The following IVD variants were observed in gnomAD, a reference collection of about 807,000 sequenced individuals.
IVD encodes the protein isovaleryl-CoA dehydrogenase.
A neutral mutation model predicts 51.3 loss-of-function variants in IVD; 31 were observed. The ratio of observed to expected loss-of-function variants is 0.60; its 90% CI spans 0.45 to 0.81. The LOEUF (loss-of-function observed/expected upper bound fraction) is 0.81, where lower values mean the gene tolerates loss of function less well. Among genes scored for constraint, IVD ranks in the 40% least tolerant of loss-of-function variants. The probability of loss-of-function intolerance (pLI) is 0.00; values close to 1 mark genes in which losing one functional copy is unlikely to be tolerated. For synonymous variants in IVD, 205 were observed against 219.4 expected (o/e 0.93, Z 0.58); for missense variants, 475 against 552.0 (o/e 0.86, Z 1.40).
At chr15:40,429,066 C>T (rs1439117805), downstream of IVD, among the ~76,000 whole-genome samples, 1 of 152,158 alleles carries the variant, frequency 6.6e-6, no homozygotes, top group Non-Finnish European at 1.5e-5. Flanking sequence ...AAGTCCCATC[C>T]CTCCGCCCAG....
At chr15:40,425,933 T>C (rs189315444), downstream of IVD, among the ~76,000 whole-genome samples, 97 of 151,512 alleles carry the variant, frequency 6.4e-4, no homozygotes, top group African/African-American at 2.3e-3. Context: ...CTTCAGTCTC[T>C]TCAGTAGCTG....
At chr15:40,433,381 GC>G (rs1445072609) in intron 7 of IVD, among the ~76,000 whole-genome samples, 1 of 152,156 alleles carries the variant, frequency 6.6e-6, no homozygotes, top group African/African-American at 2.4e-5. Flanking sequence ...AGAGACACCT[GC>G]CCCCTCTGGA....
rs1480570708 is a variant in IVD, at chr15:40,405,878, G to A, written c.51G>A (p.Leu17=). The A allele has an allele frequency of 6.2e-7, 1 of 1,612,544 alleles. No individual in the cohort carries two copies. Among genetic ancestry groups the A allele is most frequent in the African/African-American group, 1.3e-5 (1 of 75,048 alleles). ...LLGWRVASWR[L]RPPLAGFVSQ... is the part of the protein sequence containing the mutation. ...GGTGGCGTGTGGCGAGCTGGAGGCTGCGGCCGCCGCTTGCCGGCTTCGTTT... is the reference window on the plus strand; with the variant it reads ...GGTGGCGTGTGGCGAGCTGGAGGCTACGGCCGCCGCTTGCCGGCTTCGTTT... The change falls in exon 1 of 12, where the codon CTG becomes CTA. Residue 17 remains leucine (L), a synonymous_variant. Coordinates refer to ENST00000487418, the MANE Select transcript of IVD (RefSeq NM_002225.5).
At chr15:40,429,124 C>T (rs545551097), downstream of IVD, among the ~76,000 whole-genome samples, 2 of 152,294 alleles carry the variant, frequency 1.3e-5, no homozygotes, top group East Asian at 3.9e-4. Context: ...CCCTGCTGCC[C>T]CATGGAAACT....
At position 40,415,558 on chromosome 15, in the gene IVD, G is replaced by C. The variant is rs117793361; in HGVS notation, c.960+76G>C. The C allele has an allele frequency of 3.8e-3, 4,752 of 1,265,692 alleles. 20 individuals carry two copies. The highest frequency in any genetic ancestry group is 4.9e-3 in the Non-Finnish European group (4,368 of 884,642). The allele number at this position is 1,265,692 out of a possible 1,614,324, so 78.4% of individuals were successfully genotyped here. A position where few individuals can be genotyped will look rare whatever the true frequency, so the allele number is the denominator to read the frequency against. ...TCTTTGAAAAGAGAGGAAGTGAGGT[G>C]GGCACCGTGGATGGTTACTGTCTCC... On this transcript the variant is annotated intron_variant, in intron 9 of 11. Transcript: ENST00000487418.
chr15:40,409,835 CTTTT>C (rs11365500), intron 3 of IVD, among the ~76,000 whole-genome samples: 2 of 131,710 alleles, frequency 1.5e-5, no homozygotes, highest in Non-Finnish European at 1.6e-5. Context: ...CTGCTTCTTT[CTTTT>C]TTTTTTTTTT....
rs181699798 is a variant in IVD at position 40,421,146 on chromosome 15, T to C, written c.*2883T>C. 1 of 985,422 alleles carries C rather than the reference T, an allele frequency of 1.0e-6. No individual in the cohort carries two copies. The highest frequency in any genetic ancestry group is 1.2e-6 in the Non-Finnish European group (1 of 830,000). The allele number at this position is 985,422 out of a possible 1,614,324, so 61.0% of individuals were successfully genotyped here. ...GACTAAAAGGGCCATCTTGCTGGCTTAATGTGTGGCTGGAGAGACCAGCCT... is the reference window on the plus strand; with the variant it reads ...GACTAAAAGGGCCATCTTGCTGGCTCAATGTGTGGCTGGAGAGACCAGCCT... On this transcript the variant is annotated 3_prime_UTR_variant, in exon 12 of 12. Transcript: ENST00000487418.
chr15:40,412,727 C>A (rs1035906919), intron 6 of IVD: 2 of 471,094 alleles, frequency 4.2e-6, no homozygotes, highest in African/African-American at 4.0e-5. Context: ...GTCGGGAGGG[C>A]TCAGGGAACT....
At chr15:40,415,860 G>C (rs1346743551) in intron 9 of IVD, among the ~76,000 whole-genome samples, 2 of 152,246 alleles carry the variant, frequency 1.3e-5, no homozygotes. Flanking sequence ...TTCGGAGGCA[G>C]TGATGGCCAC....
In IVD at chr15:40,415,492, G is replaced by A; in HGVS notation, c.960+10G>A. 1.9e-6 allele frequency: 3 copies of A among 1,612,522 alleles called. No individual in the cohort carries two copies. The highest frequency in any genetic ancestry group is 2.5e-6 in the Non-Finnish European group (3 of 1,178,774). On this transcript the variant is annotated intron_variant, in intron 9 of 11. Transcript: ENST00000487418. The stretch of plus-strand genomic sequence containing the variant: ...GATCGGCCACTTCCAGGTGAGCCGA[G>A]TGCTTTTGCTGACATGTACTCTTCA...
In IVD at chr15:40,415,360, G is replaced by T. The variant is rs377570597; in HGVS notation, c.879-41G>T. 24 of 1,547,558 alleles carry T rather than the reference G, an allele frequency of 1.6e-5. No homozygotes were observed. In the South Asian group the frequency reaches 2.3e-4, roughly 15 times the overall value. ...CATTTTGCCACCACACCCGGTGGTG[G>T]GATGAGGAGGTGCCCACGGGGCCTT... On this transcript the variant is annotated intron_variant, in intron 8 of 11. Coordinates refer to ENST00000487418, the MANE Select transcript of IVD (RefSeq NM_002225.5).
At chr15:40,424,209 C>A (rs28429209), downstream of IVD, 116,166 of 1,286,620 alleles carry the variant, frequency 0.09, 5,919 homozygotes, top group Non-Finnish European at 0.11. Context: ...CAGTGGCTCC[C>A]AGCACCTGTA....
chr15:40,409,019 T>G (rs2141311930), intron 3 of IVD, among the ~76,000 whole-genome samples: 1 of 152,228 alleles, frequency 6.6e-6, no homozygotes, highest in Non-Finnish European at 1.5e-5. Flanking sequence ...GAACCCAATA[T>G]ACTTCTCCTT....
chr15:40,422,290 C>CTT (rs1212061976), downstream of IVD, among the ~76,000 whole-genome samples: 1 of 147,010 alleles, frequency 6.8e-6, no homozygotes, highest in East Asian at 2.0e-4. Flanking sequence ...TCATAAAAGG[C>CTT]TTTTTTTTTT....
chr15:40,413,118 C>T, intron 7 of IVD, 31 bp downstream of exon 7: 2 of 1,538,426 alleles, frequency 1.3e-6, no homozygotes, highest in South Asian at 1.1e-5. Flanking sequence ...GGGAGCCCCT[C>T]TCCTGACCCC....
At chr15:40,421,424 G>A, downstream of IVD, 1 of 983,614 alleles carries the variant, frequency 1.0e-6, no homozygotes, top group Non-Finnish European at 1.2e-6. Context: ...TGCCAGCACT[G>A]CTCCTTCCTG....
At position 40,421,170 on chromosome 15, in the gene IVD, C is replaced by G. The variant is rs1892264733; in HGVS notation, c.*2907C>G. ...TTAATGTGTGGCTGGAGAGACCAGC[C>G]TGGAGACAATGTGGCAAAATGGGGC... On this transcript the variant is annotated 3_prime_UTR_variant, in exon 12 of 12. Transcript: ENST00000487418. 2 of 985,382 alleles carry G rather than the reference C, an allele frequency of 2.0e-6. No individual in the cohort carries two copies. The highest frequency in any genetic ancestry group is 9.4e-5 in the South Asian group (2 of 21,296). The allele number at this position is 985,382 out of a possible 1,614,324, so 61.0% of individuals were successfully genotyped here.
At chr15:40,429,029 C>T (rs572682955), downstream of IVD, among the ~76,000 whole-genome samples, 1 of 152,296 alleles carries the variant, frequency 6.6e-6, no homozygotes, top group East Asian at 1.9e-4. Flanking sequence ...GTGGGCTCAG[C>T]CATCTTACAC....
chr15:40,423,532 G>T (rs1892488375), downstream of IVD, among the ~76,000 whole-genome samples: 1 of 152,218 alleles, frequency 6.6e-6, no homozygotes, highest in Non-Finnish European at 1.5e-5. Flanking sequence ...CATAATCTCA[G>T]CTGACTGCAA....
Sources: gnomAD v4.1 joint callset for allele counts (sites outside exome capture counted in the v4.1 genomes callset) on GRCh38, gnomAD v4.1.1 for gene constraint, MANE v1.5 for transcripts, NCBI Gene and HGNC (gene_info 2026-07-23, HGNC 2026-07-21) for gene names.